The following DPYSL5 variants were observed in gnomAD, a reference collection of about 807,000 sequenced individuals.
The protein encoded by DPYSL5 is dihydropyrimidinase-related protein 5.
DPYSL5 carries 9 observed loss-of-function variants against 58.4 expected under a neutral mutation model. The observed-to-expected ratio is 0.15, with a 90% confidence interval of 0.09 to 0.27. DPYSL5 has a LOEUF of 0.27. Ranked by LOEUF, DPYSL5 falls within the 10% of genes least tolerant of loss-of-function variation. The pLI, the probability that DPYSL5 is intolerant of heterozygous loss-of-function variation, is 1.00. For missense variants in DPYSL5, 499 were observed against 770.6 expected (o/e 0.65, Z 4.17); for synonymous variants, 293 against 301.9 (o/e 0.97, Z 0.31).
In DPYSL5 at chr2:26,942,301, G is replaced by A. The variant is rs1482999807; in HGVS notation, c.1232+209G>A. Among the ~76,000 whole-genome samples the A allele has an allele frequency of 6.6e-6, 1 of 152,060 alleles. No individual in the cohort carries two copies. Among genetic ancestry groups the A allele is most frequent in the African/African-American group, 2.4e-5 (1 of 41,378 alleles). On this transcript the variant is annotated intron_variant, in intron 10 of 12. Coordinates refer to ENST00000288699, the MANE Select transcript of DPYSL5 (RefSeq NM_020134.4). This position sits in a 1 kb window ranked among gnomAD's most constrained non-coding sequence, Gnocchi z 5.9. Reference sequence around the variant, plus strand: ...GTGTGTCTGTCTCCTCTTCTTATAAGGACACCGATAAGACTGGATTAGGGC... The same window carrying A: ...GTGTGTCTGTCTCCTCTTCTTATAAAGACACCGATAAGACTGGATTAGGGC...
chr2:26,912,252 G>A (rs1664457774), intron 2 of DPYSL5, among the ~76,000 whole-genome samples: 1 of 152,218 alleles, frequency 6.6e-6, no homozygotes, highest in South Asian at 2.1e-4. Flanking sequence ...GCTAATAAGG[G>A]CAGGGCAGGC....
intron 1 of DPYSL5, among the ~76,000 whole-genome samples, chr2:26,860,479 T>C (rs1665983167): frequency 6.6e-6 from 1 of 152,218 alleles, no homozygotes; most frequent in Non-Finnish European, 1.5e-5. Context: ...AGTTTGACAC[T>C]ATCTATCAAA....
At position 26,944,642 on chromosome 2, in the gene DPYSL5, C is replaced by A; in HGVS notation, c.1441-14C>A. ...GTTGTCCTGTTCTTCTGCTCTTCTT[C>A]CATCCTTCCCTAGACTTTAAAGGTT... On this transcript the variant is annotated splice_polypyrimidine_tract_variant and intron_variant, in intron 11 of 12. Transcript: ENST00000288699. The surrounding 1 kb of genome is among the most constrained non-coding windows in gnomAD (Gnocchi z 4.4). The A allele has an allele frequency of 6.2e-7, 1 of 1,612,012 alleles. No homozygotes were observed. Among genetic ancestry groups the A allele is most frequent in the African/African-American group, 1.3e-5 (1 of 75,006 alleles).
intron 1 of DPYSL5, among the ~76,000 whole-genome samples, chr2:26,876,899 C>T (rs1294835154): frequency 6.6e-6 from 1 of 151,712 alleles, no homozygotes; most frequent in Non-Finnish European, 1.5e-5. Flanking sequence ...GCACAAACAT[C>T]CTCAGAGTGT....
chr2:26,889,226 C>T (rs1346113485), intron 1 of DPYSL5, among the ~76,000 whole-genome samples: 2 of 152,072 alleles, frequency 1.3e-5, no homozygotes, highest in Admixed American at 6.5e-5. Flanking sequence ...TGACTTGAAG[C>T]ATCAACAATC....
intron 1 of DPYSL5, among the ~76,000 whole-genome samples, chr2:26,857,728 G>C (rs1385596237): frequency 6.6e-6 from 1 of 152,122 alleles, no homozygotes; most frequent in Non-Finnish European, 1.5e-5. Context: ...ATAGAATTAT[G>C]ACATGTATCT....
intron 9 of DPYSL5, among the ~76,000 whole-genome samples, chr2:26,940,937 A>ATT (rs67016261): frequency 7.4e-5 from 3 of 40,620 alleles, no homozygotes; most frequent in Non-Finnish European, 6.8e-5. Flanking sequence ...TATTATTATT[A>ATT]TTTATTTTTT....
intron 2 of DPYSL5, among the ~76,000 whole-genome samples, chr2:26,901,092 T>C (rs1176245773): frequency 6.6e-6 from 1 of 152,028 alleles, no homozygotes; most frequent in African/African-American, 2.4e-5. Context: ...AAAAAACATC[T>C]AAAGGCCCCT....
chr2:26,882,839 G>A (rs1663608271), intron 1 of DPYSL5, among the ~76,000 whole-genome samples: 1 of 151,388 alleles, frequency 6.6e-6, no homozygotes, highest in Admixed American at 6.6e-5. Context: ...CTTGAACCCA[G>A]GAGGCAGAGG....
chr2:26,881,142 C>T lies in DPYSL5; in HGVS notation c.-4-17354C>T, dbSNP rs531444661. Among the ~76,000 whole-genome samples, 4 of 152,314 alleles carry T rather than the reference C, an allele frequency of 2.6e-5. 1 individual carries two copies. In the South Asian group the frequency reaches 8.3e-4, roughly 32 times the overall value. Reference sequence around the variant, plus strand: ...TAGTCGCATGGCACAGCCAAGGTCACTGCCCTCACCTGTGCTCACCCTGCG... The same window carrying T: ...TAGTCGCATGGCACAGCCAAGGTCATTGCCCTCACCTGTGCTCACCCTGCG... On this transcript the variant is annotated intron_variant, in intron 1 of 12. Transcript: ENST00000288699.
At chr2:26,864,956 C>T (rs1201281806) in intron 1 of DPYSL5, among the ~76,000 whole-genome samples, 1 of 152,190 alleles carries the variant, frequency 6.6e-6, no homozygotes, top group Admixed American at 6.5e-5. Flanking sequence ...ATGAGGAGAC[C>T]TTGTCTTCAT....
Position 26,905,966 on chromosome 2 carries a change from G to T in DPYSL5, c.261+7206G>T, listed in dbSNP as rs4665920. ...GAGTCCAGGGTTCTCTGCCAAGCTC[G>T]TGTAGTTGTGGCAGAATTCCATTTC... On this transcript the variant is annotated intron_variant, in intron 2 of 12. Transcript: ENST00000288699. The surrounding 1 kb of genome is among the most constrained non-coding windows in gnomAD (Gnocchi z 4.0). 7.9e-5 allele frequency among the ~76,000 whole-genome samples: 12 copies of T among 151,806 alleles called. No homozygotes were observed. The highest frequency in any genetic ancestry group is 2.9e-4 in the African/African-American group (12 of 41,294).
intron 1 of DPYSL5, among the ~76,000 whole-genome samples, chr2:26,853,422 G>T (rs1367598613): frequency 6.6e-6 from 1 of 152,136 alleles, no homozygotes; most frequent in Non-Finnish European, 1.5e-5. Context: ...GCCAGGGGTG[G>T]TTCTGATTAC....
chr2:26,896,739 T>C (rs1558336289), intron 1 of DPYSL5, among the ~76,000 whole-genome samples: 1 of 152,376 alleles, frequency 6.6e-6, no homozygotes, highest in East Asian at 1.9e-4. Flanking sequence ...GTTTTCTTGC[T>C]GTTGGGCTCT....
chr2:26,912,874 G>A (rs1207308261), intron 2 of DPYSL5, among the ~76,000 whole-genome samples: 1 of 152,176 alleles, frequency 6.6e-6, no homozygotes, highest in Admixed American at 6.5e-5. Flanking sequence ...AGTTAGGTCC[G>A]ATTTCACTTG....
intron 1 of DPYSL5, among the ~76,000 whole-genome samples, chr2:26,851,512 C>T (rs909005923): frequency 3.3e-5 from 5 of 152,224 alleles, no homozygotes; most frequent in African/African-American, 9.7e-5. Context: ...GGCACTTCCA[C>T]GTCTCTTCTC....
intron 1 of DPYSL5, among the ~76,000 whole-genome samples, chr2:26,890,984 T>G (rs1663866391): frequency 6.6e-6 from 1 of 152,118 alleles, no homozygotes; most frequent in Admixed American, 6.5e-5. Context: ...CATCTCCAAA[T>G]ACAGCCACAC....
chr2:26,857,509 C>G (rs1665908967), intron 1 of DPYSL5, among the ~76,000 whole-genome samples: 1 of 151,034 alleles, frequency 6.6e-6, no homozygotes, highest in Non-Finnish European at 1.5e-5. Context: ...CACTGCCCTC[C>G]AGCCTGGGCG....
intron 6 of DPYSL5, among the ~76,000 whole-genome samples, chr2:26,932,663 C>T (rs1665062610): frequency 6.6e-6 from 1 of 152,176 alleles, no homozygotes; most frequent in Admixed American, 6.5e-5. Flanking sequence ...CAAGCATATG[C>T]TCAGAGGAGT....
Sources: gnomAD v4.1 joint callset for allele counts (sites outside exome capture counted in the v4.1 genomes callset) on GRCh38, gnomAD v4.1.1 for gene constraint, Gnocchi (gnomAD v3.1) non-coding constraint, MANE v1.5 for transcripts, NCBI Gene and HGNC (gene_info 2026-07-23, HGNC 2026-07-21) for gene names.